The following GNB5 variants were observed in gnomAD, a reference collection of about 807,000 sequenced individuals.
GNB5 encodes guanine nucleotide-binding protein subunit beta-5.
GNB5 carries 37 observed loss-of-function variants against 55.3 expected under a neutral mutation model. The observed-to-expected ratio is 0.67, with a 90% CI of 0.51 to 0.88. The LOEUF is 0.88. GNB5 is among the 40% of genes least tolerant of loss of function. The pLI, the probability that GNB5 is intolerant of heterozygous loss-of-function variation, is 0.00. For missense variants in GNB5, 476 were observed against 515.3 expected, an observed-to-expected ratio of 0.92 and a Z score of 0.74; for synonymous variants, 219 against 198.5, an observed-to-expected ratio of 1.10 and a Z score of -0.87.
chr15:52,157,550 G>T (rs936868122), intron 3 of GNB5, among the ~76,000 whole-genome samples: 1 of 152,030 alleles, frequency 6.6e-6, no homozygotes, highest in Non-Finnish European at 1.5e-5. Flanking sequence ...AGCCATATAG[G>T]CCTTTTATAT....
rs2033164122 is a variant in GNB5 at position 52,117,111 on chromosome 15, T to TTTTTTTTTTTTTTTTTTTGG, written c.*5645_*5646insCCAAAAAAAAAAAAAAAAAA. The TTTTTTTTTTTTTTTTTTTGG allele has an allele frequency of 7.5e-6, 1 of 133,888 alleles. No homozygotes were observed. The highest frequency in any genetic ancestry group is 3.0e-5 in the African/African-American group (1 of 32,882). The allele number at this position is 133,888 out of a possible 1,614,324, so 8.3% of individuals were successfully genotyped here. On this transcript the variant is annotated 3_prime_UTR_variant, in exon 13 of 13. Coordinates refer to ENST00000261837, the MANE Select transcript of GNB5 (RefSeq NM_016194.4). ...GCTAATATATATATATATTTTTTTT[T>TTTTTTTTTTTTTTTTTTTGG]AGTACAGACAGGGTTTCACCGTGTT... is the stretch of plus-strand genomic sequence containing the variant.
At chr15:52,151,191 G>A (rs952662732) in intron 4 of GNB5, among the ~76,000 whole-genome samples, 14 of 152,210 alleles carry the variant, frequency 9.2e-5, no homozygotes, top group Admixed American at 8.5e-4. Context: ...AGCCTTTAGC[G>A]CAGAAACTGG....
chr15:52,147,218 G>A (rs2033995991), intron 6 of GNB5: 1 of 370,484 alleles, frequency 2.7e-6, no homozygotes, highest in Admixed American at 4.4e-5. Flanking sequence ...TGCCAGGGTG[G>A]ACTTGAACTC....
chr15:52,122,871 C>T (rs371869645), intron 12 of GNB5, 103 bp from the exon 13 acceptor site: 16 of 827,622 alleles, frequency 1.9e-5, no homozygotes, highest in Middle Eastern at 2.2e-4. Context: ...CATGCATGGG[C>T]ATACATATAT....
intron 2 of GNB5, among the ~76,000 whole-genome samples, chr15:52,183,059 C>T (rs762835408): frequency 8.5e-5 from 13 of 152,072 alleles, no homozygotes; most frequent in Non-Finnish European, 1.0e-4. Context: ...GGCTGAGGCA[C>T]GAGAATCACT....
chr15:52,144,882 C>T (rs2033937082), intron 6 of GNB5, among the ~76,000 whole-genome samples: 2 of 152,300 alleles, frequency 1.3e-5, no homozygotes, highest in Non-Finnish European at 2.9e-5. Context: ...ACCAGGGAGA[C>T]GATGACTCGC....
chr15:52,149,255 CT>C (rs1228430425), intron 5 of GNB5: 1 of 152,804 alleles, frequency 6.5e-6, no homozygotes, highest in Non-Finnish European at 1.5e-5. Context: ...GGAAGGCTTT[CT>C]AAATAAATAT....
At chr15:52,149,772 T>A (rs777761631) in intron 5 of GNB5, 112 bp downstream of exon 5, 3 of 796,604 alleles carry the variant, frequency 3.8e-6, no homozygotes, top group Non-Finnish European at 6.6e-6. Context: ...GGCAACTGCT[T>A]GCAGGGATAC....
At chr15:52,172,711 A>T (rs2034576417) in intron 3 of GNB5, among the ~76,000 whole-genome samples, 1 of 152,102 alleles carries the variant, frequency 6.6e-6, no homozygotes, top group South Asian at 2.1e-4. Flanking sequence ...GGCGGCAGTG[A>T]ACCATGATCG....
At chr15:52,137,907 T>G in intron 7 of GNB5, 1 of 1,286,652 alleles carries the variant, frequency 7.8e-7, no homozygotes, top group South Asian at 1.2e-5. Flanking sequence ...GCAGCATAAG[T>G]GTCCACAAGA....
At chr15:52,135,783 GGTGGTTGTGGTTATTGC>G in intron 7 of GNB5, 27 bp from the exon 8 acceptor site, 4 of 1,608,546 alleles carry the variant, frequency 2.5e-6, no homozygotes, top group Non-Finnish European at 1.7e-6. Context: ...ACAGGAAGTG[GGTGGTTGTGGTTATTGC>G]TTATGCCGGG....
In GNB5 at chr15:52,122,687, G is replaced by C; in HGVS notation, c.*70C>G. ...CTGCAATAAACTCTAAGCTCCTCTA[G>C]AAGTAATATCTATTTACATGTGAAG... On this transcript the variant is annotated 3_prime_UTR_variant, in exon 13 of 13. Coordinates refer to ENST00000261837, the MANE Select transcript of GNB5 (RefSeq NM_016194.4). The C allele has an allele frequency of 8.1e-7, 1 of 1,231,410 alleles. No homozygotes were observed. The highest frequency in any genetic ancestry group is 1.2e-6 in the Non-Finnish European group (1 of 831,526). 76.3% of individuals were successfully genotyped at this position (1,231,410 alleles called of 1,614,324 possible).
chr15:52,174,477 TG>T (rs2034611380), intron 3 of GNB5, among the ~76,000 whole-genome samples: 1 of 152,022 alleles, frequency 6.6e-6, no homozygotes, highest in African/African-American at 2.4e-5. Flanking sequence ...AAATGGGGCT[TG>T]GGGCTGTGGA....
intron 6 of GNB5, among the ~76,000 whole-genome samples, chr15:52,143,481 T>C (rs943669282): frequency 2.0e-5 from 3 of 152,220 alleles, no homozygotes; most frequent in African/African-American, 7.2e-5. Context: ...CATGAGATCA[T>C]AGTAAGTGTA....
At chr15:52,149,552 T>C (rs2034047425) in intron 5 of GNB5, 1 of 569,730 alleles carries the variant, frequency 1.8e-6, no homozygotes, top group Admixed American at 3.0e-5. Flanking sequence ...TGGAGAATTT[T>C]GGTGCCTCTT....
Position 52,139,826 on chromosome 15 carries a change from C to G in GNB5, c.627+1314G>C, listed in dbSNP as rs796161583. 9.5e-6 allele frequency: 12 copies of G among 1,264,564 alleles called. No individual in the cohort carries two copies. In the African/African-American group the frequency reaches 1.2e-4, roughly 13 times the overall value. 78.3% of individuals were successfully genotyped at this position (1,264,564 alleles called of 1,614,324 possible). Reference sequence around the variant, plus strand: ...GCACTTTCTCACCTACTGGTGCCCCCTTTCATCCCCAACCCTGCCCCGGGG... The same window carrying G: ...GCACTTTCTCACCTACTGGTGCCCCGTTTCATCCCCAACCCTGCCCCGGGG... On this transcript the variant is annotated intron_variant, in intron 7 of 12. Transcript: ENST00000261837.
chr15:52,132,037 G>T (rs1295280557), intron 9 of GNB5, among the ~76,000 whole-genome samples: 1 of 152,142 alleles, frequency 6.6e-6, no homozygotes, highest in East Asian at 1.9e-4. Flanking sequence ...CTTAGTAAAT[G>T]GACTGCTGCT....
chr15:52,150,542 C>T (rs2034070512), intron 4 of GNB5, among the ~76,000 whole-genome samples: 1 of 152,192 alleles, frequency 6.6e-6, no homozygotes, highest in African/African-American at 2.4e-5. Context: ...CATTTCACAC[C>T]TACACTGAGA....
At chr15:52,190,787 A>AAAAC (rs2034912376) in intron 1 of GNB5, among the ~76,000 whole-genome samples, 1 of 830 alleles carries the variant, frequency 1.2e-3, no homozygotes, top group African/African-American at 1.8e-3. Flanking sequence ...TTAAAAAAAA[A>AAAAC]AAAAAAAAAA....
Sources: gnomAD v4.1 joint callset for allele counts (sites outside exome capture counted in the v4.1 genomes callset) on GRCh38, gnomAD v4.1.1 for gene constraint, MANE v1.5 for transcripts, NCBI Gene and HGNC (gene_info 2026-07-23, HGNC 2026-07-21) for gene names.